Variants in THRB observed in about 807,000 individuals in gnomAD.
The protein encoded by THRB is nuclear receptor subfamily 1 group A member 2.
THRB carries 12 observed loss-of-function variants against 47.8 expected under a neutral mutation model. That is an observed-to-expected ratio of 0.25 (90% CI 0.16 to 0.41). The LOEUF (loss-of-function observed/expected upper bound fraction) is 0.41. Ranked by LOEUF, THRB falls within the 10% of genes least tolerant of loss-of-function variation. The pLI is 1.00. For missense variants in THRB, 348 were observed against 589.2 expected, an observed-to-expected ratio of 0.59 and a Z score of 4.24; for synonymous variants, 218 against 212.2, an observed-to-expected ratio of 1.03 and a Z score of -0.24.
intron 1 of THRB, among the ~76,000 whole-genome samples, chr3:24,461,822 G>T (rs1001482908): frequency 6.6e-6 from 1 of 152,116 alleles, no homozygotes; most frequent in African/African-American, 2.4e-5. Context: ...ACATCTTAGC[G>T]TTAAAAATCT....
chr3:24,358,001 T>G (rs920298478), intron 1 of THRB, among the ~76,000 whole-genome samples: 1 of 152,190 alleles, frequency 6.6e-6, no homozygotes, highest in Admixed American at 6.6e-5. Flanking sequence ...GTCTGTTGAC[T>G]AGAATGGAAG....
At chr3:24,216,374 G>A (rs1464698548) in intron 4 of THRB, among the ~76,000 whole-genome samples, 1 of 152,208 alleles carries the variant, frequency 6.6e-6, no homozygotes, top group Non-Finnish European at 1.5e-5. Flanking sequence ...GGGAGGCCAA[G>A]GCAGCCAGAT....
Position 24,389,941 on chromosome 3 carries a change from C to T in THRB, c.-260-52570G>A, listed in dbSNP as rs150656782. On this transcript the variant is annotated intron_variant, in intron 1 of 10. Transcript: ENST00000646209. ...TCAACAGGTATTTGTGGAGCACTCA[C>T]TGAATAAAAGGTAGCCAATGACAGT... Among the ~76,000 whole-genome samples, 70 of 152,250 alleles carry T rather than the reference C, an allele frequency of 4.6e-4. No individual in the cohort carries two copies. The East Asian group carries it at 0.011, about 24-fold the overall frequency.
At chr3:24,487,425 T>C (rs1291405511) in intron 1 of THRB, among the ~76,000 whole-genome samples, 1 of 152,058 alleles carries the variant, frequency 6.6e-6, no homozygotes, top group Non-Finnish European at 1.5e-5. Context: ...TCTTGGACAT[T>C]TATAATGCAT....
At chr3:24,188,886 A>ATATATATATATATATATATATATATAT (rs1559548533) in intron 5 of THRB, among the ~76,000 whole-genome samples, 23 of 68,264 alleles carry the variant, frequency 3.4e-4, no homozygotes, top group African/African-American at 2.2e-3. Flanking sequence ...TATATATATG[A>ATATATATATATATATATATATATATAT]GAGAAAGAGA....
chr3:24,371,166 T>A (rs2064876646), intron 1 of THRB, among the ~76,000 whole-genome samples: 1 of 152,122 alleles, frequency 6.6e-6, no homozygotes, highest in Admixed American at 6.6e-5. Context: ...AACACCTATC[T>A]ACATTAGGCA....
intron 1 of THRB, among the ~76,000 whole-genome samples, chr3:24,453,712 G>C (rs2072896590): frequency 2.0e-5 from 3 of 152,130 alleles, no homozygotes; most frequent in Admixed American, 2.0e-4. Context: ...TCCTTAATGT[G>C]GTCTCTAAGG....
chr3:24,465,136 T>G (rs2074029923), intron 1 of THRB, among the ~76,000 whole-genome samples: 1 of 152,230 alleles, frequency 6.6e-6, no homozygotes, highest in South Asian at 2.1e-4. Context: ...GAGTGGTTAG[T>G]TAGCTCAGTC....
intron 1 of THRB, among the ~76,000 whole-genome samples, chr3:24,424,653 A>C (rs2069584079): frequency 6.6e-6 from 1 of 151,882 alleles, no homozygotes; most frequent in South Asian, 2.1e-4. Flanking sequence ...TATCTACATA[A>C]ATTTTCACAG....
At chr3:24,495,667 G>A (rs1017504895), upstream of THRB, 14 of 152,420 alleles carry the variant, frequency 9.2e-5, no homozygotes, top group African/African-American at 2.2e-4. Flanking sequence ...GGGACCGGAG[G>A]GCGAGTCTTC....
intron 7 of THRB, chr3:24,143,925 G>A (rs1054002916): frequency 3.4e-6 from 2 of 589,610 alleles, no homozygotes; most frequent in African/African-American, 3.7e-5. Flanking sequence ...CCCATGACCG[G>A]CCAGCTTTTC....
intron 1 of THRB, among the ~76,000 whole-genome samples, chr3:24,399,085 G>A (rs1273525686): frequency 6.6e-6 from 1 of 151,922 alleles, no homozygotes; most frequent in African/African-American, 2.4e-5. Context: ...TTGTGGGGTG[G>A]GGGGAGTGGG....
intron 10 of THRB, among the ~76,000 whole-genome samples, chr3:24,125,559 C>T (rs775646540): frequency 2.0e-5 from 3 of 152,194 alleles, no homozygotes; most frequent in East Asian, 1.9e-4. Context: ...AGCTAGGGGT[C>T]ACCCAAAGTC....
chr3:24,364,015 T>C (rs954411718), intron 1 of THRB, among the ~76,000 whole-genome samples: 1 of 152,144 alleles, frequency 6.6e-6, no homozygotes, highest in African/African-American at 2.4e-5. Flanking sequence ...AATCCACATA[T>C]CCAAAATGAC....
intron 4 of THRB, among the ~76,000 whole-genome samples, chr3:24,213,744 C>A (rs940074851): frequency 3.9e-5 from 6 of 152,190 alleles, no homozygotes; most frequent in African/African-American, 1.4e-4. Context: ...CTAGAAGACT[C>A]ATTTCTGAGC....
At chr3:24,332,501 C>G (rs1365992515) in intron 2 of THRB, among the ~76,000 whole-genome samples, 1 of 152,206 alleles carries the variant, frequency 6.6e-6, no homozygotes, top group Non-Finnish European at 1.5e-5. Flanking sequence ...TGTTGGTATA[C>G]TTTGATCTAT....
At chr3:24,317,301 G>A (rs781224965) in intron 2 of THRB, among the ~76,000 whole-genome samples, 5 of 152,124 alleles carry the variant, frequency 3.3e-5, no homozygotes, top group Non-Finnish European at 7.3e-5. Flanking sequence ...TTGCTACATA[G>A]ATGGAATACT....
intron 4 of THRB, among the ~76,000 whole-genome samples, chr3:24,190,623 A>C (rs780934503): frequency 2.6e-5 from 4 of 152,262 alleles, no homozygotes; most frequent in South Asian, 2.1e-4. Flanking sequence ...CTTCCACAGC[A>C]ATGGCCCAGG....
intron 1 of THRB, among the ~76,000 whole-genome samples, chr3:24,454,436 T>C (rs2072973495): frequency 1.3e-5 from 2 of 152,156 alleles, no homozygotes; most frequent in Admixed American, 6.6e-5. Flanking sequence ...AAATTAATAG[T>C]GGTGATAGCT....
Sources: gnomAD v4.1 joint callset for allele counts (sites outside exome capture counted in the v4.1 genomes callset) on GRCh38, gnomAD v4.1.1 for gene constraint, MANE v1.5 for transcripts, NCBI Gene and HGNC (gene_info 2026-07-23, HGNC 2026-07-21) for gene names.